Variants in DOCK3 observed in about 807,000 individuals in gnomAD.
The protein encoded by DOCK3 is dedicator of cytokinesis 3.
A neutral mutation model predicts 265.6 loss-of-function variants in DOCK3; 60 were observed. The observed-to-expected ratio is 0.23, with a 90% CI of 0.18 to 0.28. The LOEUF is 0.28. Among genes scored for constraint, DOCK3 ranks in the 10% least tolerant of loss-of-function variants. DOCK3 has a pLI of 1.00. For synonymous variants in DOCK3, 881 were observed against 938.0 expected, an observed-to-expected ratio of 0.94 and a Z score of 1.11; for missense variants, 1,981 against 2,594.3, an observed-to-expected ratio of 0.76 and a Z score of 5.14.
intron 1 of DOCK3, among the ~76,000 whole-genome samples, chr3:50,685,022 GT>G (rs71080601): frequency 0.098 from 14,440 of 147,896 alleles, 839 homozygotes; most frequent in Non-Finnish European, 0.12. Flanking sequence ...TATCTTTTTA[GT>G]TTTTTTTTTA....
At chr3:50,708,755 A>G (rs1250372521) in intron 1 of DOCK3, among the ~76,000 whole-genome samples, 1 of 152,012 alleles carries the variant, frequency 6.6e-6, no homozygotes, top group East Asian at 1.9e-4. Context: ...TTTTTTTCAC[A>G]ATGAGGAGTG....
rs564967971 is a variant in DOCK3, at chr3:50,695,658, G to A, written c.37+20358G>A. Among the ~76,000 whole-genome samples the A allele has an allele frequency of 8.5e-5, 13 of 152,280 alleles. No homozygotes were observed. The East Asian group carries it at 1.9e-3, about 23-fold the overall frequency. ...ACAAATCTGTGGAACTTTGGAATGC[G>A]AGAGAGAACTTTCCACAATCCTCAG... On this transcript the variant is annotated intron_variant, in intron 1 of 52. Coordinates refer to ENST00000266037, the MANE Select transcript of DOCK3 (RefSeq NM_004947.5).
chr3:50,979,528 G>A (rs13069365), intron 5 of DOCK3, among the ~76,000 whole-genome samples: 110 of 152,022 alleles, frequency 7.2e-4, no homozygotes, highest in African/African-American at 2.6e-3. Context: ...GCTCTCTTGC[G>A]CCATCTCTGG....
At chr3:51,176,410 G>A (rs2086954426) in intron 12 of DOCK3, among the ~76,000 whole-genome samples, 2 of 151,998 alleles carry the variant, frequency 1.3e-5, no homozygotes, top group African/African-American at 4.8e-5. Context: ...GAGGTCAGGA[G>A]ATCAAGACTG....
At chr3:51,351,366 C>G (rs2085963968) in intron 40 of DOCK3, among the ~76,000 whole-genome samples, 2 of 152,150 alleles carry the variant, frequency 1.3e-5, no homozygotes, top group South Asian at 4.1e-4. Flanking sequence ...TGAGCAATAA[C>G]AAGCTTGTTA....
At chr3:51,125,194 T>G (rs1265187432) in intron 9 of DOCK3, among the ~76,000 whole-genome samples, 1 of 152,130 alleles carries the variant, frequency 6.6e-6, no homozygotes, top group Non-Finnish European at 1.5e-5. Flanking sequence ...CATAGTTCAG[T>G]GGACATTCTT....
chr3:50,769,310 A>G lies in DOCK3; in HGVS notation c.38-9365A>G, dbSNP rs557921207. On this transcript the variant is annotated intron_variant, in intron 1 of 52. Coordinates refer to ENST00000266037, the MANE Select transcript of DOCK3 (RefSeq NM_004947.5). The stretch of plus-strand genomic sequence containing the variant: ...TTCTCCTATGGTCTTTACTAGTAGC[A>G]TTCAATAATATTCAATATCCCTTCA... Among the ~76,000 whole-genome samples, 9 of 152,244 alleles carry G rather than the reference A, an allele frequency of 5.9e-5. No homozygotes were observed. The South Asian group carries it at 1.9e-3, about 32-fold the overall frequency.
intron 5 of DOCK3, among the ~76,000 whole-genome samples, chr3:50,987,229 T>C (rs2077934933): frequency 6.6e-6 from 1 of 152,346 alleles, no homozygotes. Context: ...AATAAGAGTT[T>C]CTTTTTTATA....
Position 51,359,847 on chromosome 3 carries a change from C to T in DOCK3, c.4885-664C>T, listed in dbSNP as rs559671356. On this transcript the variant is annotated intron_variant, in intron 46 of 52. Transcript: ENST00000266037. The surrounding 1 kb of genome is among the most constrained non-coding windows in gnomAD (Gnocchi z 4.8). ...CCTGTTCACTACAGCTTTTGAAGGA[C>T]GTGAGGAAACCTTAACAGTTGTTTC... 6.2e-4 allele frequency among the ~76,000 whole-genome samples: 95 copies of T among 152,268 alleles called. No individual in the cohort carries two copies. The highest frequency in any genetic ancestry group is 1.6e-4 in the Non-Finnish European group (11 of 68,022).
intron 23 of DOCK3, among the ~76,000 whole-genome samples, chr3:51,262,226 G>A (rs1196444945): frequency 2.0e-5 from 3 of 152,196 alleles, no homozygotes; most frequent in African/African-American, 7.2e-5. Flanking sequence ...GGAATAGGCA[G>A]CAATCTTTGC....
At chr3:51,336,768 A>G in intron 35 of DOCK3, 1 of 422,066 alleles carries the variant, frequency 2.4e-6, no homozygotes, top group Non-Finnish European at 4.8e-6. Context: ...TGTTGAGGCC[A>G]GTTCCTTTCT....
chr3:50,998,224 C>T (rs536034172), intron 5 of DOCK3, among the ~76,000 whole-genome samples: 3 of 152,122 alleles, frequency 2.0e-5, no homozygotes, highest in Non-Finnish European at 2.9e-5. Flanking sequence ...TTTCCTAGCC[C>T]TCATCCCTCA....
In DOCK3 at chr3:51,382,095, C is replaced by T. The variant is rs1286907938; in HGVS notation, c.*536C>T. The T allele has an allele frequency of 6.5e-6, 1 of 152,968 alleles. No homozygotes were observed. The highest frequency in any genetic ancestry group is 1.5e-5 in the Non-Finnish European group (1 of 68,350). 9.5% of individuals were successfully genotyped at this position (152,968 alleles called of 1,614,324 possible). ...CAAGCCGTTTTGCACAAATGCCTGC[C>T]CACCTGCCCCTCTTCCATCCAGGAG... On this transcript the variant is annotated 3_prime_UTR_variant, in exon 53 of 53. Coordinates refer to ENST00000266037, the MANE Select transcript of DOCK3 (RefSeq NM_004947.5).
At chr3:50,745,948 A>G (rs184128376) in intron 1 of DOCK3, among the ~76,000 whole-genome samples, 3 of 152,122 alleles carry the variant, frequency 2.0e-5, no homozygotes, top group East Asian at 3.9e-4. Flanking sequence ...GTGTCACTTC[A>G]CTGTTATTGT....
At chr3:51,000,858 C>G (rs191186888) in intron 5 of DOCK3, among the ~76,000 whole-genome samples, 1 of 152,034 alleles carries the variant, frequency 6.6e-6, no homozygotes, top group Non-Finnish European at 1.5e-5. Context: ...TCGCCATGTT[C>G]GCCAGGCTGG....
chr3:51,040,093 T>C (rs2080422994), intron 5 of DOCK3, among the ~76,000 whole-genome samples: 1 of 152,112 alleles, frequency 6.6e-6, no homozygotes, highest in South Asian at 2.1e-4. Context: ...GTTTTCTCTA[T>C]ACCACCTACT....
At chr3:50,793,619 A>G (rs976653255) in intron 2 of DOCK3, among the ~76,000 whole-genome samples, 1 of 151,944 alleles carries the variant, frequency 6.6e-6, no homozygotes, top group African/African-American at 2.4e-5. Context: ...CAGCCTCCCA[A>G]AGTGCTGGGA....
chr3:51,326,548 G>T (rs1399022715), intron 32 of DOCK3, among the ~76,000 whole-genome samples: 3 of 151,728 alleles, frequency 2.0e-5, no homozygotes, highest in Non-Finnish European at 4.4e-5. Context: ...CCAAAATGCT[G>T]GGATTACAGG....
At chr3:51,244,198 G>A (rs910761497) in intron 21 of DOCK3, among the ~76,000 whole-genome samples, 2 of 145,544 alleles carry the variant, frequency 1.4e-5, no homozygotes, top group African/African-American at 5.1e-5. Flanking sequence ...GGTCACTTGT[G>A]ATTCCATATT....
Sources: allele counts gnomAD v4.1 joint callset (sites outside exome capture counted in the v4.1 genomes callset), GRCh38; gene constraint gnomAD v4.1.1; non-coding constraint Gnocchi (gnomAD v3.1); transcripts MANE v1.5; gene names NCBI Gene and HGNC (gene_info 2026-07-23, HGNC 2026-07-21).